The following FBXL17 variants were observed in gnomAD, a reference collection of about 807,000 sequenced individuals.
FBXL17 encodes the protein F-box and leucine rich repeat protein 17.
In FBXL17, 22 loss-of-function variants were observed where a neutral mutation model predicts 66.2. That is an observed-to-expected ratio of 0.33 (90% CI 0.24 to 0.47). The LOEUF (loss-of-function observed/expected upper bound fraction) is 0.47. FBXL17 is among the 20% of genes least tolerant of loss of function. The pLI is 1.00. For missense variants in FBXL17, 878 were observed against 948.2 expected, an observed-to-expected ratio of 0.93 and a Z score of 0.97; for synonymous variants, 474 against 400.5, an observed-to-expected ratio of 1.18 and a Z score of -2.19.
intron 4 of FBXL17, among the ~76,000 whole-genome samples, chr5:108,259,906 G>T (rs1270591079): frequency 6.6e-6 from 1 of 151,760 alleles, no homozygotes; most frequent in Admixed American, 6.6e-5. Context: ...TTATCTATAA[G>T]GTAATATATT....
At chr5:108,266,124 A>G (rs1757035994) in intron 4 of FBXL17, among the ~76,000 whole-genome samples, 1 of 152,186 alleles carries the variant, frequency 6.6e-6, no homozygotes, top group East Asian at 1.9e-4. Context: ...CAAGTTTTAA[A>G]AATAGCCAGA....
chr5:108,023,112 C>A (rs1754661814), intron 6 of FBXL17, among the ~76,000 whole-genome samples: 1 of 152,120 alleles, frequency 6.6e-6, no homozygotes, highest in Non-Finnish European at 1.5e-5. Flanking sequence ...AATCACCTAG[C>A]ATTTCTGCTG....
At chr5:108,001,189 A>G (rs1753708578) in intron 7 of FBXL17, among the ~76,000 whole-genome samples, 1 of 152,150 alleles carries the variant, frequency 6.6e-6, no homozygotes, top group African/African-American at 2.4e-5. Flanking sequence ...ATATACATAC[A>G]TATACATATA....
chr5:108,323,212 G>A (rs1759698423), intron 4 of FBXL17, among the ~76,000 whole-genome samples: 2 of 151,436 alleles, frequency 1.3e-5, no homozygotes. Context: ...GACCCTAAAG[G>A]TTCCACATAC....
At position 108,133,251 on chromosome 5, in the gene FBXL17, G is replaced by A. The variant is rs1751005750; in HGVS notation, c.1745+52866C>T. Among the ~76,000 whole-genome samples the A allele has an allele frequency of 2.6e-5, 4 of 152,110 alleles. No homozygotes were observed. In the South Asian group the frequency reaches 6.2e-4, roughly 24 times the overall value. ...CTCCTCTTTATCTTTTTCTATTTGT[G>A]TATCTAAAATTTTTTATATCAAGTT... is the stretch of plus-strand genomic sequence containing the variant. On this transcript the variant is annotated intron_variant, in intron 6 of 8. Coordinates refer to ENST00000542267, the MANE Select transcript of FBXL17 (RefSeq NM_001163315.3).
intron 6 of FBXL17, among the ~76,000 whole-genome samples, chr5:108,025,100 T>C (rs866678979): frequency 1.3e-5 from 2 of 152,280 alleles, no homozygotes; most frequent in Middle Eastern, 3.4e-3. Context: ...TTAGTGACAA[T>C]TGAAAAGAAC....
At chr5:108,193,725 ATT>A (rs1229824002) in intron 5 of FBXL17, among the ~76,000 whole-genome samples, 11 of 152,154 alleles carry the variant, frequency 7.2e-5, no homozygotes, top group African/African-American at 1.2e-4. Context: ...GACAACAGCA[ATT>A]GCTAGTACTA....
chr5:108,332,614 T>C (rs140772524), intron 4 of FBXL17, among the ~76,000 whole-genome samples: 36 of 152,198 alleles, frequency 2.4e-4, no homozygotes, highest in African/African-American at 8.4e-4. Flanking sequence ...TTTGTTGTTG[T>C]TGGGTTTTTC....
At chr5:107,874,055 T>C (rs1240853436) in intron 8 of FBXL17, among the ~76,000 whole-genome samples, 1 of 152,224 alleles carries the variant, frequency 6.6e-6, no homozygotes, top group Non-Finnish European at 1.5e-5. Flanking sequence ...AGCCTGGACA[T>C]TGACTGGCTG....
chr5:107,976,052 T>C (rs1444316887), intron 7 of FBXL17, among the ~76,000 whole-genome samples: 1 of 152,032 alleles, frequency 6.6e-6, no homozygotes, highest in African/African-American at 2.4e-5. Context: ...AGAGACAGGG[T>C]TTCACCATGT....
At chr5:108,126,654 TATATATATAC>T (rs1367577707) in intron 6 of FBXL17, among the ~76,000 whole-genome samples, 25 of 126,850 alleles carry the variant, frequency 2.0e-4, no homozygotes, top group South Asian at 4.8e-4. Flanking sequence ...TCTCTCTCTA[TATATATATAC>T]ATATATATAT....
intron 6 of FBXL17, among the ~76,000 whole-genome samples, chr5:108,130,105 T>C (rs1405215643): frequency 6.6e-6 from 1 of 151,872 alleles, no homozygotes; most frequent in African/African-American, 2.4e-5. Context: ...GACTTTGTCA[T>C]ACACGTTTAT....
chr5:108,175,255 G>A (rs1752755780), intron 6 of FBXL17, among the ~76,000 whole-genome samples: 1 of 152,150 alleles, frequency 6.6e-6, no homozygotes, highest in South Asian at 2.1e-4. Flanking sequence ...TGAGGGCACA[G>A]GGCGCAAGAT....
At chr5:108,111,699 C>G (rs1580456359) in intron 6 of FBXL17, among the ~76,000 whole-genome samples, 1 of 152,136 alleles carries the variant, frequency 6.6e-6, no homozygotes, top group African/African-American at 2.4e-5. Flanking sequence ...ACTGTCTGTA[C>G]ATGCTAGCTT....
chr5:108,244,953 C>A (rs1218800712), intron 4 of FBXL17, among the ~76,000 whole-genome samples: 2 of 152,030 alleles, frequency 1.3e-5, no homozygotes, highest in African/African-American at 4.8e-5. Context: ...TTGTTAAAGT[C>A]TCTGGAAAGC....
rs114197665 is a variant in FBXL17, at chr5:108,207,132, A to T, written c.1614+16989T>A. Among the ~76,000 whole-genome samples, 324 of 152,264 alleles carry T rather than the reference A, an allele frequency of 2.1e-3. 1 individual carries two copies. The highest frequency in any genetic ancestry group is 7.6e-3 in the African/African-American group (316 of 41,566). Reference sequence around the variant, plus strand: ...ATATGCTGTAATAAAAGTGATGTGAATGTGGTCTCCCCGACCCCCTCAAAA... The same window carrying T: ...ATATGCTGTAATAAAAGTGATGTGATTGTGGTCTCCCCGACCCCCTCAAAA... On this transcript the variant is annotated intron_variant, in intron 5 of 8. Transcript: ENST00000542267.
chr5:108,117,027 C>T (rs941827197), intron 6 of FBXL17, among the ~76,000 whole-genome samples: 1 of 152,166 alleles, frequency 6.6e-6, no homozygotes, highest in African/African-American at 2.4e-5. Flanking sequence ...GAATCTGACA[C>T]ATTGGGAAAT....
intron 6 of FBXL17, among the ~76,000 whole-genome samples, chr5:108,091,322 A>C (rs1043028985): frequency 1.3e-5 from 2 of 152,258 alleles, no homozygotes; most frequent in African/African-American, 4.8e-5. Flanking sequence ...TTGCTACTTA[A>C]AAACGGCCTC....
chr5:107,865,004 A>T (rs1440028174), intron 8 of FBXL17, among the ~76,000 whole-genome samples: 1 of 152,216 alleles, frequency 6.6e-6, no homozygotes, highest in East Asian at 1.9e-4. Flanking sequence ...AGATGAAGTC[A>T]TTTCGTCAGA....
Sources: gnomAD v4.1 joint callset for allele counts (sites outside exome capture counted in the v4.1 genomes callset) on GRCh38, gnomAD v4.1.1 for gene constraint, MANE v1.5 for transcripts, NCBI Gene and HGNC (gene_info 2026-07-23, HGNC 2026-07-21) for gene names.